Variants in EYA1 observed in about 807,000 individuals in gnomAD.
The protein encoded by EYA1 is protein phosphatase EYA1.
EYA1 carries 16 observed loss-of-function variants against 82.0 expected under a neutral mutation model. The ratio of observed to expected loss-of-function variants is 0.20; its 90% CI spans 0.13 to 0.30. The LOEUF is 0.30. EYA1 is among the 10% of genes least tolerant of loss of function. EYA1 has a pLI of 1.00. For synonymous variants in EYA1, 261 were observed against 264.4 expected (o/e 0.99, Z 0.12); for missense variants, 633 against 730.7 (o/e 0.87, Z 1.54).
In EYA1 at chr8:71,279,640, G is replaced by C. The variant is rs913271881; in HGVS notation, c.827-7743C>G. ...AGTTGAATTACTTTAAGGCAAGTGA[G>C]TGGGATTGACCCTTACTCCAGGGAT... On this transcript the variant is annotated intron_variant, in intron 9 of 17. Coordinates refer to ENST00000340726, the MANE Select transcript of EYA1 (RefSeq NM_000503.6). Among the ~76,000 whole-genome samples, 51 of 152,228 alleles carry C rather than the reference G, an allele frequency of 3.4e-4. 1 individual carries two copies. Among genetic ancestry groups the C allele is most frequent in the Non-Finnish European group, 8.8e-5 (6 of 68,040 alleles).
chr8:71,343,599 C>T (rs1471610238), intron 3 of EYA1, among the ~76,000 whole-genome samples: 1 of 152,132 alleles, frequency 6.6e-6, no homozygotes, highest in African/African-American at 2.4e-5. Context: ...TAGAGAGTCC[C>T]CACTAGCAAG....
At position 71,289,462 on chromosome 8, in the gene EYA1, GA is replaced by G. The variant is rs1263013550; in HGVS notation, c.826+9584del. On this transcript the variant is annotated intron_variant, in intron 9 of 17. Coordinates refer to ENST00000340726, the MANE Select transcript of EYA1 (RefSeq NM_000503.6). ...ATGCCTCATAATATATGCTTTTGCT[GA>G]GTGCTGATTAAAGAAGATGTTTACT... is the stretch of plus-strand genomic sequence containing the variant. Among the ~76,000 whole-genome samples, 4 of 152,312 alleles carry G rather than the reference GA, an allele frequency of 2.6e-5. No individual in the cohort carries two copies. The East Asian group carries it at 7.7e-4, about 29-fold the overall frequency.
chr8:71,417,371 T>C (rs780635759), intron 2 of EYA1, among the ~76,000 whole-genome samples: 7 of 152,232 alleles, frequency 4.6e-5, no homozygotes, highest in Non-Finnish European at 7.3e-5. Flanking sequence ...TGGTTGTAGA[T>C]ATTTCTGATT....
intron 2 of EYA1, among the ~76,000 whole-genome samples, chr8:71,387,017 A>G (rs1275006386): frequency 6.6e-6 from 1 of 152,206 alleles, no homozygotes; most frequent in African/African-American, 2.4e-5. Context: ...TCATGTGACA[A>G]GATTGTACCA....
At chr8:71,287,679 A>G (rs1309529046) in intron 9 of EYA1, among the ~76,000 whole-genome samples, 2 of 152,202 alleles carry the variant, frequency 1.3e-5, no homozygotes, top group African/African-American at 4.8e-5. Flanking sequence ...AACAACCACA[A>G]TCCACAATGT....
At chr8:71,274,628 G>A (rs764128545) in intron 9 of EYA1, among the ~76,000 whole-genome samples, 19 of 152,110 alleles carry the variant, frequency 1.2e-4, no homozygotes, top group Admixed American at 2.0e-4. Context: ...CTGCCTTCTC[G>A]GAGCTTACAA....
At chr8:71,455,903 C>A (rs889709571) in intron 2 of EYA1, among the ~76,000 whole-genome samples, 3 of 152,144 alleles carry the variant, frequency 2.0e-5, no homozygotes, top group African/African-American at 7.2e-5. Flanking sequence ...GAAGTTCTGC[C>A]CAGGGCAATC....
intron 11 of EYA1, among the ~76,000 whole-genome samples, chr8:71,246,098 G>A (rs1813056338): frequency 6.6e-6 from 1 of 152,144 alleles, no homozygotes; most frequent in Admixed American, 6.5e-5. Context: ...AGGAAGTAAT[G>A]AAAGATAACA....
chr8:71,262,138 T>G (rs1586059095), intron 11 of EYA1, among the ~76,000 whole-genome samples: 1 of 152,182 alleles, frequency 6.6e-6, no homozygotes, highest in East Asian at 1.9e-4. Context: ...GATAATTTAA[T>G]TTTTCTGAGC....
intron 2 of EYA1, among the ~76,000 whole-genome samples, chr8:71,412,597 G>A (rs1322259788): frequency 6.6e-6 from 1 of 152,064 alleles, no homozygotes; most frequent in African/African-American, 2.4e-5. Context: ...TGGAGACATG[G>A]CTGAAGCAAG....
Position 71,331,283 on chromosome 8 carries a change from C to T in EYA1, c.202+2814G>A, listed in dbSNP as rs890759214. Among the ~76,000 whole-genome samples the T allele has an allele frequency of 4.3e-3, 492 of 113,648 alleles. 4 individuals carry two copies. Among genetic ancestry groups the T allele is most frequent in the African/African-American group, 5.0e-3 (143 of 28,882 alleles). The allele number at this position is 113,648 out of a possible 152,430, so 74.6% of individuals were successfully genotyped here. A position where few individuals can be genotyped will look rare whatever the true frequency, so the allele number is the denominator to read the frequency against. Reference sequence around the variant, plus strand: ...ACACACACACACACACACACACACACACATATATATACATATATATATTTC... The same window carrying T: ...ACACACACACACACACACACACACATACATATATATACATATATATATTTC... On this transcript the variant is annotated intron_variant, in intron 4 of 17. Transcript: ENST00000340726.
intron 3 of EYA1, among the ~76,000 whole-genome samples, chr8:71,345,039 C>T (rs1380916484): frequency 1.3e-5 from 2 of 152,084 alleles, no homozygotes; most frequent in South Asian, 2.1e-4. Flanking sequence ...ATGCAGGATC[C>T]CAAAGGAGGA....
chr8:71,338,126 T>C (rs1900076), intron 3 of EYA1, among the ~76,000 whole-genome samples: 32,799 of 150,078 alleles, frequency 0.22, 4,767 homozygotes, highest in East Asian at 0.71. Flanking sequence ...GAACTTCACA[T>C]TAAAGTTAAG....
intron 9 of EYA1, among the ~76,000 whole-genome samples, chr8:71,293,123 G>A (rs534611203): frequency 6.6e-6 from 1 of 152,068 alleles, no homozygotes; most frequent in East Asian, 1.9e-4. Context: ...GCAATCCCAT[G>A]AACATTAAAA....
chr8:71,322,544 T>C (rs1701265795), intron 4 of EYA1: 4 of 442,084 alleles, frequency 9.0e-6, no homozygotes, highest in Non-Finnish European at 1.7e-5. Context: ...TGGCATGCTG[T>C]GAGTTTTTAC....
chr8:71,427,604 C>T lies in EYA1; in HGVS notation c.34-71093G>A, dbSNP rs140865701. On this transcript the variant is annotated intron_variant, in intron 2 of 18. Coordinates refer to the EYA1 transcript ENST00000643681. Reference sequence around the variant, plus strand: ...ATGTCACCTTTTATGCCTTATATAACGCCTAGTGAGGTCACTGACTTAAAA... The same window carrying T: ...ATGTCACCTTTTATGCCTTATATAATGCCTAGTGAGGTCACTGACTTAAAA... Among the ~76,000 whole-genome samples the T allele has an allele frequency of 1.1e-3, 165 of 152,228 alleles. 1 individual carries two copies. The highest frequency in any genetic ancestry group is 3.2e-3 in the African/African-American group (133 of 41,546).
intron 9 of EYA1, among the ~76,000 whole-genome samples, chr8:71,277,115 A>ATGCTTTTTTTT (rs1563383057): frequency 2.6e-5 from 2 of 76,938 alleles, no homozygotes; most frequent in Non-Finnish European, 2.3e-5. Context: ...GGCTTCACAC[A>ATGCTTTTTTTT]TTTTTTTTTT....
chr8:71,470,229 T>A (rs1425265041), intron 2 of EYA1, among the ~76,000 whole-genome samples: 2 of 152,076 alleles, frequency 1.3e-5, no homozygotes, highest in Non-Finnish European at 2.9e-5. Flanking sequence ...CAGTAGGATT[T>A]TAAAGAATAA....
intron 12 of EYA1, among the ~76,000 whole-genome samples, chr8:71,229,797 G>A (rs1810982841): frequency 6.6e-6 from 1 of 152,182 alleles, no homozygotes; most frequent in African/African-American, 2.4e-5. Context: ...CAATTGAAAA[G>A]GATGATATCT....
Sources: gnomAD v4.1 joint callset for allele counts (sites outside exome capture counted in the v4.1 genomes callset) on GRCh38, gnomAD v4.1.1 for gene constraint, MANE v1.5 for transcripts, NCBI Gene and HGNC (gene_info 2026-07-23, HGNC 2026-07-21) for gene names.